The following EYS variants were observed in gnomAD, a reference collection of about 807,000 sequenced individuals.
EYS encodes the protein protein eyes shut homolog.
In EYS, 250 loss-of-function variants were observed where a neutral mutation model predicts 282.1. The observed-to-expected ratio is 0.89, with a 90% CI of 0.80 to 0.98. The LOEUF is 0.98. Ranked by LOEUF, EYS falls within the 50% of genes least tolerant of loss-of-function variation. The probability of loss-of-function intolerance (pLI) is 0.00; values close to 1 mark genes in which losing one functional copy is unlikely to be tolerated. For synonymous variants in EYS, 1,355 were observed against 1,282.9 expected (o/e 1.06, Z -1.20); for missense variants, 4,016 against 3,709.0 (o/e 1.08, Z -2.15).
chr6:65,489,379 T>A (rs1279493654), intron 5 of EYS: 1 of 152,190 alleles, frequency 6.6e-6, no homozygotes, highest in Admixed American at 6.5e-5. Context: ...GAAAAAATGC[T>A]CATCATCACT....
intron 2 of EYS, among the ~76,000 whole-genome samples, chr6:65,638,302 C>T (rs962875355): frequency 6.6e-6 from 1 of 152,186 alleles, no homozygotes; most frequent in African/African-American, 2.4e-5. Flanking sequence ...GCTCACCCTC[C>T]AGTTGTCCGC....
intron 31 of EYS, among the ~76,000 whole-genome samples, chr6:64,196,737 A>T (rs1247456103): frequency 1.7e-5 from 2 of 120,842 alleles, no homozygotes; most frequent in East Asian, 5.7e-4. Flanking sequence ...CACTCTGGGG[A>T]CTGTGGTGGG....
chr6:64,443,749 T>G (rs934115534), intron 26 of EYS, among the ~76,000 whole-genome samples: 4 of 152,208 alleles, frequency 2.6e-5, no homozygotes, highest in African/African-American at 4.8e-5. Flanking sequence ...CCTGCTGCCA[T>G]CTATGTAATA....
At chr6:64,284,923 T>G (rs1244973203) in intron 30 of EYS, among the ~76,000 whole-genome samples, 1 of 152,182 alleles carries the variant, frequency 6.6e-6, no homozygotes, top group African/African-American at 2.4e-5. Flanking sequence ...AAAACCATTT[T>G]TTCCTATTAG....
intron 13 of EYS, among the ~76,000 whole-genome samples, chr6:65,015,439 C>T (rs557053954): frequency 2.0e-5 from 3 of 152,186 alleles, no homozygotes; most frequent in South Asian, 4.2e-4. Flanking sequence ...AGAACATAAA[C>T]CTGGTGTGCA....
At chr6:65,023,617 T>C (rs1772312950) in intron 13 of EYS, among the ~76,000 whole-genome samples, 1 of 152,226 alleles carries the variant, frequency 6.6e-6, no homozygotes, top group African/African-American at 2.4e-5. Flanking sequence ...ACTAGAATTT[T>C]TTAATAGTCT....
At chr6:64,919,331 G>A (rs867726065) in intron 15 of EYS, among the ~76,000 whole-genome samples, 12 of 151,568 alleles carry the variant, frequency 7.9e-5, no homozygotes, top group Admixed American at 2.0e-4. Context: ...CATCGCACCC[G>A]GCTATTTTTT....
intron 22 of EYS, among the ~76,000 whole-genome samples, chr6:64,671,404 A>T (rs941601916): frequency 6.6e-6 from 1 of 152,176 alleles, no homozygotes; most frequent in African/African-American, 2.4e-5. Flanking sequence ...GAGAGCCCTC[A>T]CCAGACCCTG....
chr6:64,913,761 G>A (rs1768077395), intron 15 of EYS, among the ~76,000 whole-genome samples: 1 of 152,042 alleles, frequency 6.6e-6, no homozygotes, highest in Non-Finnish European at 1.5e-5. Flanking sequence ...CTTTTTATTT[G>A]GGTGGATGCT....
intron 28 of EYS, among the ~76,000 whole-genome samples, chr6:64,398,993 A>T (rs1416169837): frequency 6.6e-6 from 1 of 151,876 alleles, no homozygotes; most frequent in African/African-American, 2.4e-5. Flanking sequence ...CCAGGAAGCT[A>T]TTCATTAAAT....
intron 13 of EYS, among the ~76,000 whole-genome samples, chr6:65,051,940 C>T (rs540006080): frequency 1.3e-5 from 2 of 151,596 alleles, no homozygotes; most frequent in East Asian, 1.9e-4. Flanking sequence ...GAAAGCAGCC[C>T]TATTCCTGAA....
intron 22 of EYS, among the ~76,000 whole-genome samples, chr6:64,763,650 C>T (rs760054779): frequency 2.0e-5 from 3 of 152,126 alleles, no homozygotes; most frequent in Non-Finnish European, 4.4e-5. Context: ...TCCCAACAGT[C>T]CCCCAATCTT....
intron 8 of EYS, among the ~76,000 whole-genome samples, chr6:65,360,971 A>G (rs1764681882): frequency 6.6e-6 from 1 of 152,116 alleles, no homozygotes; most frequent in South Asian, 2.1e-4. Context: ...CTATATTTCT[A>G]CATATAAAAT....
At chr6:65,144,499 T>C (rs1764426221) in intron 12 of EYS, among the ~76,000 whole-genome samples, 1 of 152,082 alleles carries the variant, frequency 6.6e-6, no homozygotes, top group Non-Finnish European at 1.5e-5. Context: ...CAGTGATCAG[T>C]TGTAAATATC....
At chr6:63,830,729 C>G (rs1378121386) in intron 36 of EYS, among the ~76,000 whole-genome samples, 2 of 152,176 alleles carry the variant, frequency 1.3e-5, no homozygotes, top group African/African-American at 4.8e-5. Flanking sequence ...CACAAAGATA[C>G]TCCTTGAGAA....
chr6:64,643,112 T>TCCCC, intron 22 of EYS, among the ~76,000 whole-genome samples: 1 of 143,718 alleles, frequency 7.0e-6, no homozygotes, highest in South Asian at 2.3e-4. Flanking sequence ...TGAAACTCCA[T>TCCCC]CCCCCCCCCC....
intron 31 of EYS, among the ~76,000 whole-genome samples, chr6:64,144,154 A>G (rs985682099): frequency 2.0e-5 from 3 of 152,190 alleles, no homozygotes; most frequent in African/African-American, 7.2e-5. Flanking sequence ...TGCATCTGTC[A>G]GGCTGGTACA....
intron 33 of EYS, among the ~76,000 whole-genome samples, chr6:64,041,260 G>A (rs1355158074): frequency 6.6e-6 from 1 of 151,982 alleles, no homozygotes; most frequent in Admixed American, 6.6e-5. Flanking sequence ...TGTGTATAGT[G>A]TGTATGAAAA....
At chr6:64,557,074 T>G (rs1290537378) in intron 26 of EYS, among the ~76,000 whole-genome samples, 4 of 152,000 alleles carry the variant, frequency 2.6e-5, no homozygotes, top group African/African-American at 9.6e-5. Context: ...TTTAAGTACA[T>G]AAAACAATTT....
Sources: allele counts gnomAD v4.1 joint callset (sites outside exome capture counted in the v4.1 genomes callset), GRCh38; gene constraint gnomAD v4.1.1; transcripts MANE v1.5; gene names NCBI Gene and HGNC (gene_info 2026-07-23, HGNC 2026-07-21).